CALN1: variants seen among roughly 807,000 people sequenced by gnomAD.
CALN1 encodes calneuron 1.
CALN1 carries 17 observed loss-of-function variants against 30.6 expected under a neutral mutation model. The ratio of observed to expected loss-of-function variants is 0.56; its 90% CI spans 0.38 to 0.83. The LOEUF (loss-of-function observed/expected upper bound fraction) is 0.83, where lower values mean the gene tolerates loss of function less well. CALN1 is among the 40% of genes least tolerant of loss of function. CALN1 has a pLI of 0.00. For missense variants in CALN1, 291 were observed against 354.9 expected (o/e 0.82, Z 1.45); for synonymous variants, 156 against 131.4 (o/e 1.19, Z -1.28).
chr7:71,803,103 C>G (rs1024771904), intron 6 of CALN1, among the ~76,000 whole-genome samples: 1 of 152,124 alleles, frequency 6.6e-6, no homozygotes, highest in Non-Finnish European at 1.5e-5. Context: ...ATCTGAGAGA[C>G]TGGGAGTGCC....
chr7:72,086,709 T>C (rs955688281), intron 4 of CALN1, among the ~76,000 whole-genome samples: 3 of 152,188 alleles, frequency 2.0e-5, no homozygotes, highest in South Asian at 2.1e-4. Context: ...GCTGGGATTT[T>C]TACACAGGCG....
At chr7:72,256,428 C>G (rs371705266) in intron 3 of CALN1, among the ~76,000 whole-genome samples, 7 of 151,940 alleles carry the variant, frequency 4.6e-5, no homozygotes, top group African/African-American at 1.7e-4. Flanking sequence ...CCACTGCACT[C>G]CAGCCTGGGT....
intron 3 of CALN1, among the ~76,000 whole-genome samples, chr7:72,180,989 T>C (rs904484543): frequency 4.0e-5 from 6 of 150,708 alleles, no homozygotes; most frequent in African/African-American, 9.8e-5. Flanking sequence ...TCCCAGCTAC[T>C]TGGGAGGCTG....
rs577325466 is a variant in CALN1 at position 71,978,904 on chromosome 7, T to A, written c.501+44753A>T. Among the ~76,000 whole-genome samples the A allele has an allele frequency of 3.3e-5, 5 of 152,358 alleles. No individual in the cohort carries two copies. In the South Asian group the frequency reaches 1.0e-3, roughly 32 times the overall value. ...CAATTCTCTGTGGATCTCTTACATT[T>A]CTGTATGTCTTATAAGCACAGGCAC... On this transcript the variant is annotated intron_variant, in intron 5 of 6. Coordinates refer to ENST00000395275, the MANE Select transcript of CALN1 (RefSeq NM_031468.4).
At position 72,088,726 on chromosome 7, in the gene CALN1, G is replaced by T. The variant is rs915286850; in HGVS notation, c.388+17425C>A. Among the ~76,000 whole-genome samples the T allele has an allele frequency of 1.2e-4, 17 of 145,256 alleles. No homozygotes were observed. The South Asian group carries it at 3.6e-3, about 30-fold the overall frequency. On this transcript the variant is annotated intron_variant, in intron 4 of 6. Coordinates refer to ENST00000395275, the MANE Select transcript of CALN1 (RefSeq NM_031468.4). Reference sequence around the variant, plus strand: ...GAAAAAAAAAAAAAAAAAGAAAGAAGAAAGAAGAAGGAAGGAAGGGAAGGA... The same window carrying T: ...GAAAAAAAAAAAAAAAAAGAAAGAATAAAGAAGAAGGAAGGAAGGGAAGGA...
chr7:72,112,033 G>A (rs1369047335), intron 3 of CALN1, among the ~76,000 whole-genome samples: 2 of 152,122 alleles, frequency 1.3e-5, no homozygotes, highest in Non-Finnish European at 2.9e-5. Flanking sequence ...TAACAGGCAT[G>A]AGCCACCGTG....
Position 72,338,525 on chromosome 7 carries a change from G to GTGTGTCTGTCTGTCTTTC in CALN1, c.120-59716_120-59715insGAAAGACAGACAGACACA. Among the ~76,000 whole-genome samples, 26 of 122,376 alleles carry GTGTGTCTGTCTGTCTTTC rather than the reference G, an allele frequency of 2.1e-4. 1 individual carries two copies. The highest frequency in any genetic ancestry group is 7.5e-4 in the African/African-American group (24 of 32,092). The allele number at this position is 122,376 out of a possible 152,430, so 80.3% of individuals were successfully genotyped here. A position where few individuals can be genotyped will look rare whatever the true frequency, so the allele number is the denominator to read the frequency against. The stretch of plus-strand genomic sequence containing the variant: ...TGTGTGTGTGTGTGTGTGTGTGTGT[G>GTGTGTCTGTCTGTCTTTC]TGTCTCACCTGGGTGTGGTTTCAGA... On this transcript the variant is annotated intron_variant, in intron 2 of 6. Transcript: ENST00000395275.
intron 2 of CALN1, among the ~76,000 whole-genome samples, chr7:72,350,395 G>A (rs544852970): frequency 6.6e-6 from 1 of 152,258 alleles, no homozygotes; most frequent in Non-Finnish European, 1.5e-5. Context: ...ACCCAGCAAT[G>A]CTAGACTGGA....
chr7:71,969,645 T>C (rs1434281732), intron 5 of CALN1, among the ~76,000 whole-genome samples: 2 of 152,110 alleles, frequency 1.3e-5, no homozygotes, highest in Non-Finnish European at 2.9e-5. Context: ...CAGAAAAAGG[T>C]AAACAGGATG....
rs953127699 is a variant in CALN1 at position 72,409,757 on chromosome 7, A to G, written c.-74+2301T>C. 3.3e-5 allele frequency among the ~76,000 whole-genome samples: 5 copies of G among 152,270 alleles called. No individual in the cohort carries two copies. In the East Asian group the frequency reaches 9.8e-4, roughly 30 times the overall value. On this transcript the variant is annotated intron_variant, in intron 1 of 6. Coordinates refer to ENST00000395275, the MANE Select transcript of CALN1 (RefSeq NM_031468.4). ...GTTTTTAGCCTCTGGGACCCCATGG[A>G]ACAGTGGTTCCCAGGCTGTTACTCG...
chr7:72,034,795 C>CAAAAA (rs57756121), intron 4 of CALN1, among the ~76,000 whole-genome samples: 4 of 52,624 alleles, frequency 7.6e-5, no homozygotes, highest in Non-Finnish European at 1.1e-4. Context: ...GACTCTGTCT[C>CAAAAA]AAAAAAAAAA....
chr7:71,883,127 C>T (rs1201200941), intron 5 of CALN1, among the ~76,000 whole-genome samples: 1 of 151,954 alleles, frequency 6.6e-6, no homozygotes, highest in Non-Finnish European at 1.5e-5. Flanking sequence ...ATATCTATAG[C>T]TCTATATCTA....
At chr7:71,882,850 T>TTG (rs34870061) in intron 5 of CALN1, among the ~76,000 whole-genome samples, 39,774 of 130,708 alleles carry the variant, frequency 0.3, 6,055 homozygotes, top group Non-Finnish European at 0.38. Context: ...CCCATCTAAT[T>TTG]TGTGTGTGTG....
At chr7:72,205,552 ATATAT>A (rs1257927913) in intron 3 of CALN1, among the ~76,000 whole-genome samples, 3 of 64,804 alleles carry the variant, frequency 4.6e-5, no homozygotes, top group African/African-American at 2.4e-4. Context: ...CAAAAAAAAA[ATATAT>A]ATATATATAT....
intron 5 of CALN1, among the ~76,000 whole-genome samples, chr7:71,883,494 A>G (rs541029199): frequency 6.6e-6 from 1 of 152,262 alleles, no homozygotes; most frequent in South Asian, 2.1e-4. Flanking sequence ...TCTTGTTAGG[A>G]ACATAATGAG....
At chr7:72,210,079 C>G (rs930551462) in intron 3 of CALN1, among the ~76,000 whole-genome samples, 2 of 152,200 alleles carry the variant, frequency 1.3e-5, no homozygotes, top group African/African-American at 4.8e-5. Context: ...CTTCCCATCA[C>G]CTATCCCCTT....
At chr7:71,996,607 C>T (rs528866645) in intron 5 of CALN1, among the ~76,000 whole-genome samples, 16 of 152,166 alleles carry the variant, frequency 1.1e-4, no homozygotes, top group Middle Eastern at 3.4e-3. Flanking sequence ...GTATATGTAC[C>T]ACTTTCTTTA....
intron 5 of CALN1, among the ~76,000 whole-genome samples, chr7:71,998,877 G>GA (rs1393150064): frequency 6.6e-6 from 1 of 151,778 alleles, no homozygotes; most frequent in Non-Finnish European, 1.5e-5. Flanking sequence ...AAAATGCAAT[G>GA]AAAAAATCAA....
At position 72,435,967 on chromosome 7, in the gene CALN1, C is replaced by T. The variant is rs544920521; in HGVS notation, c.-226+11075G>A. Among the ~76,000 whole-genome samples the T allele has an allele frequency of 1.4e-3, 210 of 152,242 alleles. 1 individual carries two copies. The highest frequency in any genetic ancestry group is 0.014 in the Middle Eastern group (4 of 294). The stretch of plus-strand genomic sequence containing the variant: ...CACTACCCATTCCCTTGGGGAGTGA[C>T]AAAGGGGTGCTGGCCTCAGAGTGGC... On this transcript the variant is annotated intron_variant, in intron 1 of 6. Transcript: ENST00000395276.
Sources: gnomAD v4.1 joint callset for allele counts (sites outside exome capture counted in the v4.1 genomes callset) on GRCh38, gnomAD v4.1.1 for gene constraint, MANE v1.5 for transcripts, NCBI Gene and HGNC (gene_info 2026-07-23, HGNC 2026-07-21) for gene names.